Variants in SPON1 observed in about 807,000 individuals in gnomAD.
SPON1 encodes the protein spondin-1.
A neutral mutation model predicts 111.7 loss-of-function variants in SPON1; 52 were observed. The ratio of observed to expected loss-of-function variants is 0.47; its 90% confidence interval spans 0.37 to 0.59. The LOEUF (loss-of-function observed/expected upper bound fraction) is 0.59, where lower values mean the gene tolerates loss of function less well. SPON1 is among the 20% of genes least tolerant of loss of function. SPON1 has a pLI of 0.00. For synonymous variants in SPON1, 410 were observed against 395.8 expected, an observed-to-expected ratio of 1.04 and a Z score of -0.43; for missense variants, 957 against 1,068.5, an observed-to-expected ratio of 0.90 and a Z score of 1.46.
At chr11:14,137,861 C>T (rs782344127) in intron 6 of SPON1, among the ~76,000 whole-genome samples, 26 of 152,134 alleles carry the variant, frequency 1.7e-4, no homozygotes, top group Non-Finnish European at 3.4e-4. Flanking sequence ...GCTAACAGTG[C>T]CTCAGGTTCC....
chr11:14,180,061 T>A (rs1250048202), intron 6 of SPON1, among the ~76,000 whole-genome samples: 1 of 152,150 alleles, frequency 6.6e-6, no homozygotes, highest in Non-Finnish European at 1.5e-5. Flanking sequence ...TTCTATTGCA[T>A]CTTCCATGAG....
At chr11:14,003,905 A>G (rs1358254989) in intron 2 of SPON1, among the ~76,000 whole-genome samples, 2 of 152,122 alleles carry the variant, frequency 1.3e-5, no homozygotes, top group Non-Finnish European at 2.9e-5. Flanking sequence ...GTTATTTTGT[A>G]TCCTTTGACT....
intron 5 of SPON1, among the ~76,000 whole-genome samples, chr11:14,133,406 G>A (rs1326877062): frequency 6.6e-6 from 1 of 152,194 alleles, no homozygotes; most frequent in Non-Finnish European, 1.5e-5. Context: ...TTTGTGCTAT[G>A]GCAAGACAGA....
intron 6 of SPON1, among the ~76,000 whole-genome samples, chr11:14,147,970 C>T (rs1305330510): frequency 6.6e-6 from 1 of 152,094 alleles, no homozygotes; most frequent in Non-Finnish European, 1.5e-5. Flanking sequence ...CACAGAGCTA[C>T]AATTTTTGAT....
intron 5 of SPON1, among the ~76,000 whole-genome samples, chr11:14,106,763 G>A (rs1440443699): frequency 1.3e-5 from 2 of 152,158 alleles, no homozygotes; most frequent in African/African-American, 2.4e-5. Context: ...AAAGCTGATC[G>A]CCTGTGATCA....
At chr11:14,172,010 A>G (rs369928700) in intron 6 of SPON1, among the ~76,000 whole-genome samples, 1 of 152,132 alleles carries the variant, frequency 6.6e-6, no homozygotes, top group African/African-American at 2.4e-5. Context: ...TATTAGGTCC[A>G]CTTGGTGCAG....
Position 14,259,731 on chromosome 11 carries a change from A to C in SPON1, c.1831+30A>C, listed in dbSNP as rs1849151407. 2.6e-6 allele frequency: 4 copies of C among 1,556,978 alleles called. No homozygotes were observed. Among genetic ancestry groups the C allele is most frequent in the East Asian group, 4.8e-5 (2 of 41,790 alleles). On this transcript the variant is annotated intron_variant, in intron 13 of 15. Transcript: ENST00000576479. The surrounding 1 kb of genome is among the most constrained non-coding windows in gnomAD (Gnocchi z 5.0). ...GTGAGAGCGGGGGTGGACTTGGAGG[A>C]GGCCACTGGGGACAGGCGTGGAGGG...
intron 3 of SPON1, among the ~76,000 whole-genome samples, chr11:14,057,844 C>CAAAAAAAAAAAAAAAAAAAAAA (rs1277903384): frequency 8.0e-6 from 1 of 125,460 alleles, no homozygotes. Flanking sequence ...AAAAAAAAAA[C>CAAAAAAAAAAAAAAAAAAAAAA]AAAACAAAAA....
intron 3 of SPON1, among the ~76,000 whole-genome samples, chr11:14,063,134 T>C (rs1455859442): frequency 6.6e-6 from 1 of 152,226 alleles, no homozygotes; most frequent in Non-Finnish European, 1.5e-5. Flanking sequence ...GAAATGTACA[T>C]GTTACATTGT....
At chr11:14,013,935 A>G (rs775327435) in intron 2 of SPON1, among the ~76,000 whole-genome samples, 13 of 152,192 alleles carry the variant, frequency 8.5e-5, no homozygotes, top group Non-Finnish European at 1.5e-4. Context: ...GCGGGGAAAA[A>G]GAAAGTCAAA....
intron 1 of SPON1, among the ~76,000 whole-genome samples, chr11:13,972,705 A>T (rs782711391): frequency 2.6e-5 from 4 of 152,194 alleles, no homozygotes; most frequent in African/African-American, 9.7e-5. Flanking sequence ...AAGCCACCTC[A>T]GTTTAGTTCT....
In SPON1 at chr11:14,259,520, G is replaced by T. The variant is rs1365145437; in HGVS notation, c.1664-14G>T. On this transcript the variant is annotated splice_polypyrimidine_tract_variant and intron_variant, in intron 12 of 15. Coordinates refer to ENST00000576479, the MANE Select transcript of SPON1 (RefSeq NM_006108.4). The surrounding 1 kb of genome is among the most constrained non-coding windows in gnomAD (Gnocchi z 5.0). ...AGGCAGCAGGTGCGACTCCAATGCC[G>T]CTGGCCTCCCCAGCTCCCAGCAGCT... 5 of 1,558,374 alleles carry T rather than the reference G, an allele frequency of 3.2e-6. No homozygotes were observed. Among genetic ancestry groups the T allele is most frequent in the Non-Finnish European group, 4.3e-6 (5 of 1,151,464 alleles).
In SPON1 at chr11:14,259,464, CCGGG is replaced by C. The variant is rs782243566; in HGVS notation, c.1663+20_1663+23del. 1 of 1,601,418 alleles carries C rather than the reference CCGGG, an allele frequency of 6.2e-7. No individual in the cohort carries two copies. The highest frequency in any genetic ancestry group is 1.3e-5 in the African/African-American group (1 of 74,850). On this transcript the variant is annotated intron_variant, in intron 12 of 15. Coordinates refer to ENST00000576479, the MANE Select transcript of SPON1 (RefSeq NM_006108.4). This position sits in a 1 kb window ranked among gnomAD's most constrained non-coding sequence, Gnocchi z 5.0. The stretch of plus-strand genomic sequence containing the variant: ...ACGAGGAGTGCTGTGAGTGGGGGCC[CCGGG>C]CGGGCAGGCGGGCAAGTAGGTCGGG...
intron 6 of SPON1, among the ~76,000 whole-genome samples, chr11:14,150,643 AC>A (rs1231212484): frequency 6.6e-6 from 1 of 152,142 alleles, no homozygotes; most frequent in African/African-American, 2.4e-5. Context: ...GAACAAAAAG[AC>A]CCATGGTGAG....
At chr11:14,058,809 A>C (rs553888998) in intron 3 of SPON1, among the ~76,000 whole-genome samples, 1 of 152,126 alleles carries the variant, frequency 6.6e-6, no homozygotes, top group Non-Finnish European at 1.5e-5. Flanking sequence ...TATTTCCTCC[A>C]TTTTACAGAG....
At chr11:14,139,240 C>G (rs782428165) in intron 6 of SPON1, among the ~76,000 whole-genome samples, 3 of 152,208 alleles carry the variant, frequency 2.0e-5, no homozygotes, top group Non-Finnish European at 4.4e-5. Context: ...TCTGGACCTT[C>G]TCTCAGCCAG....
intron 6 of SPON1, among the ~76,000 whole-genome samples, chr11:14,151,819 T>C (rs960088661): frequency 2.0e-5 from 3 of 152,238 alleles, no homozygotes; most frequent in Non-Finnish European, 4.4e-5. Flanking sequence ...AGAGATAGTC[T>C]GCTGCCTCTT....
intron 1 of SPON1, among the ~76,000 whole-genome samples, chr11:13,967,778 C>A (rs73418469): frequency 0.036 from 5,539 of 152,180 alleles, 358 homozygotes; most frequent in African/African-American, 0.13. Flanking sequence ...CTTTTTTGCA[C>A]CATTCCCTGC....
rs1050060705 is a variant in SPON1, at chr11:14,265,717, C to G, written c.*30C>G. ...GGTACGAGTTCCCCAGGGCTGCACT[C>G]TAGATTCCAGAGTCACCAATGGCTG... On this transcript the variant is annotated 3_prime_UTR_variant, in exon 16 of 16. Transcript: ENST00000576479. The G allele has an allele frequency of 6.2e-7, 1 of 1,604,822 alleles. No individual in the cohort carries two copies. The highest frequency in any genetic ancestry group is 2.2e-5 in the East Asian group (1 of 44,756).
Sources: gnomAD v4.1 joint callset for allele counts (sites outside exome capture counted in the v4.1 genomes callset) on GRCh38, gnomAD v4.1.1 for gene constraint, Gnocchi (gnomAD v3.1) non-coding constraint, MANE v1.5 for transcripts, NCBI Gene and HGNC (gene_info 2026-07-23, HGNC 2026-07-21) for gene names.